The following ICA1L variants were observed in gnomAD, a reference collection of about 807,000 sequenced individuals.
ICA1L encodes the protein islet cell autoantigen 1 like, also known as islet cell autoantigen 1-like protein.
In ICA1L, 50 loss-of-function variants were observed where a neutral mutation model predicts 61.3. That is an observed-to-expected ratio of 0.82 (90% confidence interval 0.65 to 1.03). The LOEUF (loss-of-function observed/expected upper bound fraction) is 1.03, where lower values mean the gene tolerates loss of function less well. Among genes scored for constraint, ICA1L ranks in the 50% least tolerant of loss-of-function variants. ICA1L has a pLI of 0.00. For synonymous variants in ICA1L, 161 were observed against 191.3 expected (o/e 0.84, Z 1.31); for missense variants, 508 against 556.7 (o/e 0.91, Z 0.88).
intron 1 of ICA1L, among the ~76,000 whole-genome samples, chr2:202,829,835 T>C (rs542397237): frequency 1.3e-5 from 2 of 152,348 alleles, no homozygotes; most frequent in South Asian, 4.1e-4. Flanking sequence ...AAGTTTTGCT[T>C]TTGTAATAAA....
chr2:202,845,425 A>C (rs1475611644), intron 1 of ICA1L, among the ~76,000 whole-genome samples: 1 of 152,086 alleles, frequency 6.6e-6, no homozygotes, highest in Non-Finnish European at 1.5e-5. Context: ...CCAGGAGTTC[A>C]AGACCAGCCT....
At chr2:202,864,266 C>T (rs919051031) in intron 1 of ICA1L, among the ~76,000 whole-genome samples, 3 of 151,062 alleles carry the variant, frequency 2.0e-5, no homozygotes, top group East Asian at 1.9e-4. Flanking sequence ...TTTTTCGAGA[C>T]GGAGTCTTGC....
At chr2:202,800,332 C>T (rs575589387) in intron 9 of ICA1L, among the ~76,000 whole-genome samples, 4 of 152,066 alleles carry the variant, frequency 2.6e-5, no homozygotes, top group African/African-American at 4.8e-5. Context: ...ATCAAAACAG[C>T]GCTGTCTTGT....
At position 202,776,591 on chromosome 2, in the gene ICA1L, T is replaced by C. The variant is rs1184400941; in HGVS notation, c.*2942A>G. The C allele has an allele frequency of 6.6e-6, 1 of 152,216 alleles. No individual in the cohort carries two copies. The highest frequency in any genetic ancestry group is 1.5e-5 in the Non-Finnish European group (1 of 68,046). The allele number at this position is 152,216 out of a possible 1,614,324, so 9.4% of individuals were successfully genotyped here. ...GGTTTAATAGAGCAAAATTTCTTTCTGACCACAAAAACTGCTGAGCTTCAA... is the reference window on the plus strand; with the variant it reads ...GGTTTAATAGAGCAAAATTTCTTTCCGACCACAAAAACTGCTGAGCTTCAA... On this transcript the variant is annotated 3_prime_UTR_variant, in exon 13 of 13. Transcript: ENST00000358299.
At chr2:202,827,466 T>C (rs1200995736) in intron 2 of ICA1L, among the ~76,000 whole-genome samples, 1 of 152,178 alleles carries the variant, frequency 6.6e-6, no homozygotes, top group African/African-American at 2.4e-5. Context: ...TCCATAGGTC[T>C]TTGCAAGGTT....
chr2:202,800,175 C>T (rs1693052238), intron 9 of ICA1L, among the ~76,000 whole-genome samples: 1 of 152,092 alleles, frequency 6.6e-6, no homozygotes, highest in Non-Finnish European at 1.5e-5. Flanking sequence ...GCCACCGCGC[C>T]TGGCCTGCTG....
intron 1 of ICA1L, chr2:202,840,384 C>T (rs1238782801): frequency 2.4e-5 from 12 of 491,230 alleles, no homozygotes; most frequent in Non-Finnish European, 4.0e-5. Flanking sequence ...TCGTGGATCT[C>T]AATCTTCTTC....
At chr2:202,798,919 C>T (rs1693014828) in intron 9 of ICA1L, among the ~76,000 whole-genome samples, 1 of 152,124 alleles carries the variant, frequency 6.6e-6, no homozygotes. Context: ...ATAATGACCT[C>T]CAGTTCTATC....
chr2:202,833,875 TA>T (rs1488936857), intron 1 of ICA1L, among the ~76,000 whole-genome samples: 2 of 152,028 alleles, frequency 1.3e-5, no homozygotes, highest in Non-Finnish European at 2.9e-5. Context: ...AAAGTTGAAC[TA>T]ATAGACGTAG....
intron 1 of ICA1L, chr2:202,841,611 A>G: frequency 1.5e-6 from 1 of 656,480 alleles, no homozygotes; most frequent in Admixed American, 2.0e-5. Context: ...GCCCCACCAT[A>G]ACTTCCACCC....
At position 202,776,306 on chromosome 2, in the gene ICA1L, C is replaced by T. The variant is rs933388515; in HGVS notation, c.*3227G>A. On this transcript the variant is annotated 3_prime_UTR_variant, in exon 13 of 13. Transcript: ENST00000358299. ...TGTAGACACACTAGGCAAAGTTTAGCTCGTCTGGTTTTTTTTAGACTTAAA... is the reference window on the plus strand; with the variant it reads ...TGTAGACACACTAGGCAAAGTTTAGTTCGTCTGGTTTTTTTTAGACTTAAA... 2.6e-5 allele frequency: 4 copies of T among 152,074 alleles called. No individual in the cohort carries two copies. Among genetic ancestry groups the T allele is most frequent in the African/African-American group, 9.7e-5 (4 of 41,370 alleles). The allele number at this position is 152,074 out of a possible 1,614,324, so 9.4% of individuals were successfully genotyped here.
intron 1 of ICA1L, among the ~76,000 whole-genome samples, chr2:202,836,800 T>TATATAGATATATATAGATATATATAG (rs1553536793): frequency 3.8e-4 from 56 of 145,804 alleles, no homozygotes; most frequent in African/African-American, 1.3e-3. Flanking sequence ...TATATCTATA[T>TATATAGATATATATAGATATATATAG]ATATAGATAT....
chr2:202,840,609 T>C (rs1574370638), intron 1 of ICA1L: 2 of 573,720 alleles, frequency 3.5e-6, no homozygotes, highest in Non-Finnish European at 6.8e-6. Context: ...AGCAGCTTCC[T>C]GTAGATGGTG....
At chr2:202,783,738 TG>T (rs1349825131) in intron 12 of ICA1L, among the ~76,000 whole-genome samples, 1 of 152,204 alleles carries the variant, frequency 6.6e-6, no homozygotes, top group Non-Finnish European at 1.5e-5. Context: ...CAGTAGATAA[TG>T]GTCCTATGGC....
In ICA1L at chr2:202,788,892, G is replaced by C; in HGVS notation, c.1181C>G (p.Ser394Cys). The part of the protein sequence containing the change: ...PSMGSEPLAH[S>C]SRFLPSQLFD... ...GAGTTGTGAAGGAAGGAATCGAGAA[G>C]AATGAGCGAGGGGCTCAGACCCCAT... Residue 394 changes from serine to cysteine, a missense_variant, in exon 11 of 13, where the codon TCT becomes TGT. Coordinates refer to ENST00000358299, the MANE Select transcript of ICA1L (RefSeq NM_001288622.3). The C allele has an allele frequency of 6.2e-7, 1 of 1,614,152 alleles. No homozygotes were observed. The highest frequency in any genetic ancestry group is 1.3e-5 in the African/African-American group (1 of 75,042).
chr2:202,788,179 G>T (rs1047460343), intron 11 of ICA1L, among the ~76,000 whole-genome samples: 7 of 152,224 alleles, frequency 4.6e-5, no homozygotes, highest in African/African-American at 1.4e-4. Flanking sequence ...AGAATCTGCT[G>T]CTTGAAGAGA....
intron 3 of ICA1L, among the ~76,000 whole-genome samples, chr2:202,824,972 A>C (rs2105855629): frequency 6.6e-6 from 1 of 152,332 alleles, no homozygotes; most frequent in South Asian, 2.1e-4. Context: ...TGACCTTGAC[A>C]AGAGAAATTT....
chr2:202,804,957 T>A (rs1693185044), intron 9 of ICA1L, among the ~76,000 whole-genome samples: 1 of 152,186 alleles, frequency 6.6e-6, no homozygotes, highest in South Asian at 2.1e-4. Flanking sequence ...AATTTTTAAA[T>A]AACTGAAATT....
At chr2:202,869,235 G>A (rs1186979560) in intron 1 of ICA1L, among the ~76,000 whole-genome samples, 2 of 152,044 alleles carry the variant, frequency 1.3e-5, no homozygotes, top group Admixed American at 1.3e-4. Flanking sequence ...GCGGGCGCCT[G>A]TAGTCCCAGC....
Sources: gnomAD v4.1 joint callset for allele counts (sites outside exome capture counted in the v4.1 genomes callset) on GRCh38, gnomAD v4.1.1 for gene constraint, MANE v1.5 for transcripts, NCBI Gene and HGNC (gene_info 2026-07-23, HGNC 2026-07-21) for gene names.